HHIPL2: variants seen among roughly 807,000 people sequenced by gnomAD.
The protein encoded by HHIPL2 is HHIP-like protein 2.
Under a neutral mutation model 61.0 loss-of-function variants are expected in HHIPL2, and 61 were observed. The ratio of observed to expected loss-of-function variants is 1.00; its 90% CI spans 0.81 to 1.24. HHIPL2 has a LOEUF of 1.24. HHIPL2 is among the 50% of genes most tolerant of loss of function. The pLI, the probability that HHIPL2 is intolerant of heterozygous loss-of-function variation, is 0.00. For synonymous variants in HHIPL2, 343 were observed against 357.4 expected, an observed-to-expected ratio of 0.96 and a Z score of 0.45; for missense variants, 885 against 910.2, an observed-to-expected ratio of 0.97 and a Z score of 0.36.
At position 222,522,369 on chromosome 1, in the gene HHIPL2, A is replaced by G; in HGVS notation, c.*232T>C. On this transcript the variant is annotated 3_prime_UTR_variant, in exon 9 of 9. Transcript: ENST00000343410. ...GGCTCATGGACTAGTGCTTACCATA[A>G]CCCAGGTGCACCAGCAATCTGGGAT... The G allele has an allele frequency of 1.7e-6, 1 of 572,992 alleles. No individual in the cohort carries two copies. The highest frequency in any genetic ancestry group is 2.3e-5 in the South Asian group (1 of 43,648). 35.5% of individuals were successfully genotyped at this position (572,992 alleles called of 1,614,324 possible). A position where few individuals can be genotyped will look rare whatever the true frequency, so the allele number is the denominator to read the frequency against.
Position 222,543,642 on chromosome 1 carries a change from T to A in HHIPL2, c.869A>T (p.Tyr290Phe). The change falls in exon 2 of 9, where the codon TAT (tyrosine) becomes TTT (phenylalanine). Residue 290 changes from tyrosine to phenylalanine, a missense_variant. Transcript: ENST00000343410. ...HPKFRHNRKF[Y>F]IYYSCLDKKK... ...CTTGTCCAGGCACGAATAATAAATA[T>A]AGAACTTGCGATTGTGGCGGAATTT... The A allele has an allele frequency of 6.2e-7, 1 of 1,614,094 alleles. No individual in the cohort carries two copies. Among genetic ancestry groups the A allele is most frequent in the Middle Eastern group, 1.7e-4 (1 of 6,060 alleles).
At chr1:222,541,011 G>T (rs775719316) in intron 3 of HHIPL2, among the ~76,000 whole-genome samples, 2 of 152,140 alleles carry the variant, frequency 1.3e-5, no homozygotes, top group African/African-American at 4.8e-5. Context: ...TGAGGTGGGC[G>T]GATAGCTTGA....
intron 6 of HHIPL2, among the ~76,000 whole-genome samples, chr1:222,529,970 G>C (rs1248362920): frequency 6.6e-6 from 1 of 152,110 alleles, no homozygotes; most frequent in Admixed American, 6.5e-5. Context: ...AATATGGCAA[G>C]GGCAGAAAAT....
chr1:222,546,708 C>T (rs1659563000), intron 1 of HHIPL2, among the ~76,000 whole-genome samples: 1 of 152,174 alleles, frequency 6.6e-6, no homozygotes, highest in Admixed American at 6.5e-5. Context: ...CAGCCCCAGG[C>T]GGTGCCACCC....
Position 222,547,873 on chromosome 1 carries a change from G to C in HHIPL2, c.172C>G (p.Leu58Val), listed in dbSNP as rs552834227. ...GACTCATAGTCAGAGCAAAACTCAA[G>C]GTGCAGAGGGGGCTGGAAAGGGGGC... is the stretch of plus-strand genomic sequence containing the variant. ...YGPPFQPPLH[L>V]EFCSDYESFG... Residue 58 changes from leucine to valine, a missense_variant, in exon 1 of 9, where the codon CTT (leucine) becomes GTT (valine). By Grantham distance (32) the Leu-to-Val change is conservative. Transcript: ENST00000343410. The C allele has an allele frequency of 2.4e-5, 38 of 1,614,132 alleles. No homozygotes were observed. The African/African-American group carries it at 4.3e-4, about 18-fold the overall frequency.
chr1:222,523,509 G>A (rs567030488), intron 8 of HHIPL2, 103 bp downstream of exon 8: 2 of 1,031,128 alleles, frequency 1.9e-6, no homozygotes, highest in East Asian at 2.4e-5. Flanking sequence ...TTTCCCTCAG[G>A]GGGTAACTAA....
Position 222,540,200 on chromosome 1 carries a change from G to A in HHIPL2, c.1260C>T (p.Asn420=). 5.6e-6 allele frequency: 9 copies of A among 1,614,268 alleles called. No individual in the cohort carries two copies. The highest frequency in any genetic ancestry group is 6.8e-6 in the Non-Finnish European group (8 of 1,180,052). Residue 420 remains asparagine (N), a synonymous_variant, in exon 4 of 9, where the codon AAC becomes AAT. Coordinates refer to ENST00000343410, the MANE Select transcript of HHIPL2 (RefSeq NM_024746.4). ...CTCGGTCCACAGCACAACGCCACAT[G>A]TTCCTGATCCCATAGGCATAGATGG... The part of the protein sequence containing the change: ...HPAIYAYGIR[N]MWRCAVDRGD...
intron 3 of HHIPL2, among the ~76,000 whole-genome samples, chr1:222,540,949 T>C (rs1219370794): frequency 6.6e-6 from 1 of 152,196 alleles, no homozygotes; most frequent in Non-Finnish European, 1.5e-5. Flanking sequence ...TTCTTTTTAA[T>C]ATATTGGCCA....
rs761565368 is a variant in HHIPL2 at position 222,543,833 on chromosome 1, C to T, written c.678G>A (p.Gly226=). Reference sequence around the variant, plus strand: ...CAACAAAGAAGCGATGGGTGCCGTCCCCAGCATGGACCATGGAGACGGGGT... The same window carrying T: ...CAACAAAGAAGCGATGGGTGCCGTCTCCAGCATGGACCATGGAGACGGGGT... ...LRNPVSMVHA[G]DGTHRFFVAE... The change falls in exon 2 of 9, where the codon GGG becomes GGA. Residue 226 remains glycine (G), a synonymous_variant. Coordinates refer to ENST00000343410, the MANE Select transcript of HHIPL2 (RefSeq NM_024746.4). 1.9e-6 allele frequency: 3 copies of T among 1,614,106 alleles called. No individual in the cohort carries two copies. The East Asian group carries it at 6.7e-5, about 36-fold the overall frequency.
In HHIPL2 at chr1:222,543,961, C is replaced by A. The variant is rs1353085075; in HGVS notation, c.550G>T (p.Val184Phe). The change falls in exon 2 of 9, where the codon GTC (valine) becomes TTC (phenylalanine). Residue 184 changes from valine (V) to phenylalanine (F), a missense_variant. Val to Phe is a conservative substitution (Grantham distance 50). Transcript: ENST00000343410. ...CGGTTGAGATAGTCGTTCCTCAGGA[C>A]ATTAGGGAAGCAATAGTCCTTGTCA... Reference protein sequence around the residue: ...LPDKDYCFPNVLRNDYLNRHL... With the variant: ...LPDKDYCFPNFLRNDYLNRHL... 6.2e-7 allele frequency: 1 copy of A among 1,614,166 alleles called. No homozygotes were observed. Among genetic ancestry groups the A allele is most frequent in the South Asian group, 1.1e-5 (1 of 91,084 alleles).
At chr1:222,530,931 G>A (rs1056346237) in intron 6 of HHIPL2, among the ~76,000 whole-genome samples, 15 of 152,056 alleles carry the variant, frequency 9.9e-5, no homozygotes, top group Non-Finnish European at 5.9e-5. Context: ...TAAAAAAAGA[G>A]AAATATTTAA....
In HHIPL2 at chr1:222,539,962, A is replaced by G. The variant is rs773842323; in HGVS notation, c.1450+48T>C. On this transcript the variant is annotated intron_variant, in intron 4 of 8. Coordinates refer to ENST00000343410, the MANE Select transcript of HHIPL2 (RefSeq NM_024746.4). ...GGTTTTATTCCCTACCTCCACCTCC[A>G]GCCCACTCAACTCATCCAAGAAATC... 3 of 1,498,942 alleles carry G rather than the reference A, an allele frequency of 2.0e-6. No homozygotes were observed. In the East Asian group the frequency reaches 6.8e-5, roughly 34 times the overall value. The allele number at this position is 1,498,942 out of a possible 1,614,324, so 92.9% of individuals were successfully genotyped here.
intron 8 of HHIPL2, 70 bp downstream of exon 8, chr1:222,523,542 C>A: frequency 7.1e-7 from 1 of 1,406,358 alleles, no homozygotes; most frequent in Admixed American, 1.7e-5. Flanking sequence ...GGAATTATAG[C>A]CTGCTTGCTG....
intron 5 of HHIPL2, among the ~76,000 whole-genome samples, chr1:222,533,439 G>T (rs564986778): frequency 6.6e-6 from 1 of 152,150 alleles, no homozygotes; most frequent in East Asian, 1.9e-4. Context: ...TGTGTATGGG[G>T]GCAGGGTGGT....
At chr1:222,529,706 T>G (rs1332992352) in intron 6 of HHIPL2, among the ~76,000 whole-genome samples, 1 of 152,202 alleles carries the variant, frequency 6.6e-6, no homozygotes, top group East Asian at 1.9e-4. Flanking sequence ...ACCAGCCCTC[T>G]TGGGAATGCC....
rs572632214 is a variant in HHIPL2, at chr1:222,544,793, T to C, written c.322-604A>G. 6.6e-5 allele frequency among the ~76,000 whole-genome samples: 10 copies of C among 152,388 alleles called. No individual in the cohort carries two copies. In the East Asian group the frequency reaches 1.9e-3, roughly 29 times the overall value. On this transcript the variant is annotated intron_variant, in intron 1 of 8. Coordinates refer to ENST00000343410, the MANE Select transcript of HHIPL2 (RefSeq NM_024746.4). ...GGAGATACAGTGTTAATTATTTTTC[T>C]GTGCTTTTCCATATTTTTGGAATAT...
Position 222,546,031 on chromosome 1 carries a change from T to G in HHIPL2, c.321+1693A>C, listed in dbSNP as rs555128059. ...CTGCACTCCATCCTGAGTGACAGAG[T>G]AAGACTCTGTCTCAAAAAATAAATA... On this transcript the variant is annotated intron_variant, in intron 1 of 8. Coordinates refer to ENST00000343410, the MANE Select transcript of HHIPL2 (RefSeq NM_024746.4). Among the ~76,000 whole-genome samples, 4 of 127,294 alleles carry G rather than the reference T, an allele frequency of 3.1e-5. No individual in the cohort carries two copies. In the South Asian group the frequency reaches 1.0e-3, roughly 33 times the overall value. The allele number at this position is 127,294 out of a possible 152,430, so 83.5% of individuals were successfully genotyped here.
intron 5 of HHIPL2, among the ~76,000 whole-genome samples, chr1:222,538,379 G>A (rs1051339334): frequency 4.6e-5 from 7 of 151,656 alleles, no homozygotes; most frequent in Non-Finnish European, 1.0e-4. Flanking sequence ...GATGGAAGCT[G>A]GGCCCCTGTC....
chr1:222,527,021 G>A lies in HHIPL2; in HGVS notation c.1753C>T (p.Pro585Ser). 6.2e-7 allele frequency: 1 copy of A among 1,613,582 alleles called. No individual in the cohort carries two copies. Among genetic ancestry groups the A allele is most frequent in the Non-Finnish European group, 8.5e-7 (1 of 1,179,804 alleles). Residue 585 changes from proline (P) to serine (S), a missense_variant, in exon 7 of 9, where the codon CCA becomes TCA. Coordinates refer to ENST00000343410, the MANE Select transcript of HHIPL2 (RefSeq NM_024746.4). ...GATCCACGTGGTGCATAGGCACTTG[G>A]GTAAGAGGTCGCCAGGAAATACAGC... ...GELYFLATSY[P>S]SAYAPRGSIY...
Sources: gnomAD v4.1 joint callset for allele counts (sites outside exome capture counted in the v4.1 genomes callset) on GRCh38, gnomAD v4.1.1 for gene constraint, MANE v1.5 for transcripts, NCBI Gene and HGNC (gene_info 2026-07-23, HGNC 2026-07-21) for gene names.